NOL4: variants seen among roughly 807,000 people sequenced by gnomAD.
NOL4 encodes the protein nucleolar protein 4, also known as cancer/testis antigen 125.
NOL4 carries 17 observed loss-of-function variants against 75.9 expected under a neutral mutation model. The observed-to-expected ratio is 0.22, with a 90% CI of 0.15 to 0.34. The LOEUF is 0.34. Among genes scored for constraint, NOL4 ranks in the 10% least tolerant of loss-of-function variants. The pLI is 1.00. For synonymous variants in NOL4, 292 were observed against 289.9 expected (o/e 1.01, Z -0.07); for missense variants, 614 against 793.5 (o/e 0.77, Z 2.72).
intron 9 of NOL4, 53 bp from the exon 10 acceptor site, chr18:33,883,477 C>T: frequency 7.0e-7 from 1 of 1,437,956 alleles, no homozygotes; most frequent in Non-Finnish European, 9.4e-7. Context: ...GCTATTTCAC[C>T]TTGAACAGGA....
chr18:34,101,315 C>A (rs2079033963), intron 4 of NOL4, among the ~76,000 whole-genome samples: 1 of 152,116 alleles, frequency 6.6e-6, no homozygotes, highest in Admixed American at 6.6e-5. Context: ...TGTAGAAATT[C>A]ACATAGTTAA....
intron 8 of NOL4, among the ~76,000 whole-genome samples, chr18:33,946,438 C>T (rs2068840141): frequency 6.6e-6 from 1 of 151,652 alleles, no homozygotes; most frequent in Non-Finnish European, 1.5e-5. Flanking sequence ...CATTCAAGTT[C>T]TGAGAGATTA....
In NOL4 at chr18:33,887,418, G is replaced by GT. The variant is rs1318544518; in HGVS notation, c.1543-3995dup. Reference sequence around the variant, plus strand: ...TGTTAGAAAGTACCAAAGAAGGTGAGTTTTTTTTTTTTTTAATTATACTTT... The same window carrying GT: ...TGTTAGAAAGTACCAAAGAAGGTGAGTTTTTTTTTTTTTTTAATTATACTTT... On this transcript the variant is annotated intron_variant, in intron 9 of 10. Transcript: ENST00000261592. 7.8e-3 allele frequency among the ~76,000 whole-genome samples: 1,083 copies of GT among 138,150 alleles called. 5 individuals are homozygous for GT. The highest frequency in any genetic ancestry group is 8.3e-3 in the East Asian group (39 of 4,684). 90.6% of individuals were successfully genotyped at this position (138,150 alleles called of 152,430 possible).
intron 5 of NOL4, among the ~76,000 whole-genome samples, chr18:34,087,224 T>A (rs1000769591): frequency 6.6e-6 from 1 of 152,120 alleles, no homozygotes; most frequent in Non-Finnish European, 1.5e-5. Flanking sequence ...TGTAGGAGTT[T>A]CAGGAGGCCA....
rs35702916 is a variant in NOL4, at chr18:33,907,323, C to CA, written c.1543-23900dup. On this transcript the variant is annotated intron_variant, in intron 9 of 10. Transcript: ENST00000261592. ...TGGGCGACAGAGCGAGACTCCATTT[C>CA]AAAAAAAAAAAAAAAAAAAAGACCT... Among the ~76,000 whole-genome samples the CA allele has an allele frequency of 2.0e-3, 159 of 79,660 alleles. 2 individuals carry two copies. The highest frequency in any genetic ancestry group is 8.3e-3 in the Middle Eastern group (1 of 120). The allele number at this position is 79,660 out of a possible 152,430, so 52.3% of individuals were successfully genotyped here. A position where few individuals can be genotyped will look rare whatever the true frequency, so the allele number is the denominator to read the frequency against.
chr18:34,100,915 G>A (rs2145634737), intron 4 of NOL4, among the ~76,000 whole-genome samples: 1 of 152,220 alleles, frequency 6.6e-6, no homozygotes, highest in Admixed American at 6.5e-5. Context: ...TGAACTTCTA[G>A]TATCATTCCT....
rs112253502 is a variant in NOL4 at position 34,066,730 on chromosome 18, T to C, written c.772+26735A>G. ...CACTGAAGTATAAGTGTATGTTCCT[T>C]TCCTAAGATAACATTTAACCTTTGT... On this transcript the variant is annotated intron_variant, in intron 5 of 10. Transcript: ENST00000261592. Among the ~76,000 whole-genome samples the C allele has an allele frequency of 1.3e-3, 191 of 151,872 alleles. 2 individuals are homozygous for C. Among genetic ancestry groups the C allele is most frequent in the African/African-American group, 3.8e-3 (159 of 41,544 alleles).
intron 1 of NOL4, among the ~76,000 whole-genome samples, chr18:34,203,745 AC>A (rs2035925615): frequency 6.7e-6 from 1 of 150,020 alleles, no homozygotes; most frequent in African/African-American, 2.5e-5. Context: ...ACACACACAC[AC>A]ACACACGGCC....
At chr18:34,104,273 A>G (rs2079168327) in intron 3 of NOL4, 114 bp from the exon 4 acceptor site, 1 of 662,640 alleles carries the variant, frequency 1.5e-6, no homozygotes, top group Non-Finnish European at 2.7e-6. Flanking sequence ...AGTGTCTTAA[A>G]GCATGGTAGC....
At chr18:33,854,733 GCTGA>G (rs1428822334) in intron 10 of NOL4, among the ~76,000 whole-genome samples, 1 of 151,320 alleles carries the variant, frequency 6.6e-6, no homozygotes, top group African/African-American at 2.4e-5. Flanking sequence ...TATCTGGTTG[GCTGA>G]CTGTCATTAT....
intron 5 of NOL4, among the ~76,000 whole-genome samples, chr18:34,089,345 A>C (rs1266953848): frequency 3.3e-5 from 5 of 152,156 alleles, no homozygotes; most frequent in Non-Finnish European, 1.5e-5. Flanking sequence ...GATTTCAGTC[A>C]ACTGTTAAAA....
Position 34,174,540 on chromosome 18 carries a change from TTG to T in NOL4, c.265-44522_265-44521del, listed in dbSNP as rs200226097. ...GTCCACATTTTTTTTCCTTTTTTTA[TTG>T]TGTTTTAAGTTCTAGGGTACATGTG... is the stretch of plus-strand genomic sequence containing the variant. On this transcript the variant is annotated intron_variant, in intron 1 of 10. Transcript: ENST00000261592. 7.8e-3 allele frequency among the ~76,000 whole-genome samples: 1,191 copies of T among 152,138 alleles called. 23 individuals are homozygous for T. Among genetic ancestry groups the T allele is most frequent in the Admixed American group, 0.03 (456 of 15,252 alleles).
At chr18:34,154,907 C>A (rs1297016529) in intron 1 of NOL4, among the ~76,000 whole-genome samples, 1 of 151,868 alleles carries the variant, frequency 6.6e-6, no homozygotes, top group African/African-American at 2.4e-5. Flanking sequence ...GGTTGTGGAT[C>A]CTTTCTTACA....
At chr18:34,153,242 A>G (rs1016748579) in intron 1 of NOL4, among the ~76,000 whole-genome samples, 1 of 151,904 alleles carries the variant, frequency 6.6e-6, no homozygotes, top group African/African-American at 2.4e-5. Flanking sequence ...ACTATTTCCA[A>G]TATTTATAAA....
intron 10 of NOL4, among the ~76,000 whole-genome samples, chr18:33,878,633 A>G (rs930193268): frequency 6.6e-6 from 1 of 152,088 alleles, no homozygotes; most frequent in African/African-American, 2.4e-5. Context: ...ACTCAGACTA[A>G]TAATGTAATT....
chr18:33,947,962 C>A (rs117494595), intron 8 of NOL4, among the ~76,000 whole-genome samples: 1 of 151,802 alleles, frequency 6.6e-6, no homozygotes, highest in African/African-American at 2.4e-5. Context: ...TAAAATGTAC[C>A]GTCACACCAA....
At chr18:34,176,931 G>T (rs1020776783) in intron 1 of NOL4, among the ~76,000 whole-genome samples, 2 of 152,044 alleles carry the variant, frequency 1.3e-5, no homozygotes, top group Non-Finnish European at 1.5e-5. Flanking sequence ...AGCAATAAGA[G>T]AGAAGTAACT....
chr18:33,942,735 T>C (rs1350320518), intron 9 of NOL4, among the ~76,000 whole-genome samples: 1 of 151,836 alleles, frequency 6.6e-6, no homozygotes, highest in East Asian at 1.9e-4. Context: ...GTCACTCTCA[T>C]AAGTCATGAG....
intron 9 of NOL4, among the ~76,000 whole-genome samples, chr18:33,920,088 A>C (rs1007445598): frequency 6.6e-6 from 1 of 152,144 alleles, no homozygotes; most frequent in East Asian, 1.9e-4. Flanking sequence ...TTGATTTTAG[A>C]TTACTGTAAT....
Sources: gnomAD v4.1 joint callset for allele counts (sites outside exome capture counted in the v4.1 genomes callset) on GRCh38, gnomAD v4.1.1 for gene constraint, MANE v1.5 for transcripts, NCBI Gene and HGNC (gene_info 2026-07-23, HGNC 2026-07-21) for gene names.